The following MAPKAP1 variants were observed in gnomAD, a reference collection of about 807,000 sequenced individuals.
The protein encoded by MAPKAP1 is target of rapamycin complex 2 subunit MAPKAP1.
In MAPKAP1, 20 loss-of-function variants were observed where a neutral mutation model predicts 65.7. That is an observed-to-expected ratio of 0.30 (90% CI 0.21 to 0.44). The LOEUF is 0.44. Among genes scored for constraint, MAPKAP1 ranks in the 20% least tolerant of loss-of-function variants. MAPKAP1 has a pLI of 1.00. For synonymous variants in MAPKAP1, 222 were observed against 244.3 expected (o/e 0.91, Z 0.85); for missense variants, 423 against 648.0 (o/e 0.65, Z 3.77).
intron 4 of MAPKAP1, chr9:125,596,406 G>A: frequency 2.5e-6 from 2 of 813,120 alleles, no homozygotes; most frequent in South Asian, 1.3e-5. Context: ...TAATGGATTT[G>A]GTACTGATGG....
At chr9:125,479,100 C>A (rs1246439219) in intron 9 of MAPKAP1, among the ~76,000 whole-genome samples, 1 of 152,196 alleles carries the variant, frequency 6.6e-6, no homozygotes, top group East Asian at 1.9e-4. Flanking sequence ...AAAATCAGTA[C>A]TATCTAATAA....
At chr9:125,615,915 GAAA>G (rs763540546) in intron 4 of MAPKAP1, among the ~76,000 whole-genome samples, 2 of 105,204 alleles carry the variant, frequency 1.9e-5, no homozygotes, top group Non-Finnish European at 2.0e-5. Flanking sequence ...CTCCGTCTCA[GAAA>G]AAAAAAAAAA....
chr9:125,628,547 T>G (rs1275025745), intron 4 of MAPKAP1, among the ~76,000 whole-genome samples: 1 of 152,128 alleles, frequency 6.6e-6, no homozygotes, highest in Non-Finnish European at 1.5e-5. Context: ...GGTGAATCCT[T>G]ACACCACAGA....
chr9:125,609,881 T>A (rs184132507), intron 4 of MAPKAP1, among the ~76,000 whole-genome samples: 1 of 152,278 alleles, frequency 6.6e-6, no homozygotes, highest in East Asian at 1.9e-4. Context: ...CTGGGCTGAG[T>A]GTGCCACATA....
At chr9:125,442,706 T>A (rs1852541424) in intron 11 of MAPKAP1, among the ~76,000 whole-genome samples, 1 of 152,094 alleles carries the variant, frequency 6.6e-6, no homozygotes, top group South Asian at 2.1e-4. Context: ...CACTCCTTGG[T>A]CCAAGGAGGG....
intron 7 of MAPKAP1, among the ~76,000 whole-genome samples, chr9:125,530,183 C>G (rs1343471384): frequency 6.6e-6 from 1 of 152,082 alleles, no homozygotes; most frequent in Non-Finnish European, 1.5e-5. Context: ...TAAAATCAGT[C>G]TTGGTAGAGA....
chr9:125,706,794 T>C (rs571551172), intron 1 of MAPKAP1, among the ~76,000 whole-genome samples, 177 bp downstream of exon 1: 1 of 151,990 alleles, frequency 6.6e-6, no homozygotes, highest in African/African-American at 2.4e-5. Flanking sequence ...CTCAGACTCC[T>C]GACAGCCTCC....
At position 125,540,655 on chromosome 9, in the gene MAPKAP1, T is replaced by C. The variant is rs541976679; in HGVS notation, c.958+2404A>G. Among the ~76,000 whole-genome samples the C allele has an allele frequency of 3.9e-4, 60 of 152,314 alleles. 1 individual carries two copies. In the South Asian group the frequency reaches 0.012, roughly 31 times the overall value. On this transcript the variant is annotated intron_variant, in intron 7 of 11. Transcript: ENST00000265960. ...AGACATGGGGCATGGTAGGCACATT[T>C]TTGCAAACACTAAGCTGGTCATTGT...
chr9:125,587,343 A>G (rs1439911716), intron 4 of MAPKAP1, among the ~76,000 whole-genome samples: 1 of 152,168 alleles, frequency 6.6e-6, no homozygotes, highest in East Asian at 1.9e-4. Flanking sequence ...AGGCAGGGAG[A>G]TCACTTGAGG....
intron 8 of MAPKAP1, among the ~76,000 whole-genome samples, chr9:125,499,468 A>G (rs1828906192): frequency 6.6e-6 from 1 of 152,188 alleles, no homozygotes; most frequent in Non-Finnish European, 1.5e-5. Context: ...TGATCTTTGT[A>G]AGTGCTGGTA....
chr9:125,482,131 TAA>T (rs1554808939), intron 9 of MAPKAP1, among the ~76,000 whole-genome samples: 2 of 99,102 alleles, frequency 2.0e-5, no homozygotes, highest in Admixed American at 1.0e-4. Context: ...AAACTCTGTC[TAA>T]AAAAAAAAAA....
intron 6 of MAPKAP1, among the ~76,000 whole-genome samples, chr9:125,556,056 T>A (rs568441631): frequency 3.9e-5 from 6 of 152,246 alleles, no homozygotes; most frequent in African/African-American, 7.2e-5. Flanking sequence ...CAAGGGTTGT[T>A]TATTAATAGT....
At chr9:125,651,019 T>G (rs1265704038) in intron 4 of MAPKAP1, among the ~76,000 whole-genome samples, 3 of 152,104 alleles carry the variant, frequency 2.0e-5, no homozygotes, top group Non-Finnish European at 4.4e-5. Flanking sequence ...TAGGCTGGAG[T>G]GCAGTGGTGC....
intron 4 of MAPKAP1, among the ~76,000 whole-genome samples, chr9:125,624,533 C>T (rs1447777223): frequency 1.2e-4 from 9 of 77,588 alleles, no homozygotes; most frequent in African/African-American, 3.2e-4. Context: ...CCCCTCTGCC[C>T]AGCCAGCCGC....
intron 3 of MAPKAP1, among the ~76,000 whole-genome samples, chr9:125,658,893 T>G (rs927517875): frequency 6.6e-6 from 1 of 152,104 alleles, no homozygotes; most frequent in Non-Finnish European, 1.5e-5. Flanking sequence ...CACTTTAGCA[T>G]AGTCAAATTA....
At chr9:125,534,269 C>A (rs910453707) in intron 7 of MAPKAP1, among the ~76,000 whole-genome samples, 2 of 152,158 alleles carry the variant, frequency 1.3e-5, no homozygotes, top group African/African-American at 4.8e-5. Flanking sequence ...GGATTTACAC[C>A]AAAGGAAGTT....
At chr9:125,693,676 T>TATATATACAC in intron 1 of MAPKAP1, among the ~76,000 whole-genome samples, 1 of 127,618 alleles carries the variant, frequency 7.8e-6, no homozygotes, top group Admixed American at 7.9e-5. Flanking sequence ...CATATACACG[T>TATATATACAC]ATATATACAC....
At chr9:125,700,618 A>T (rs1835566867) in intron 1 of MAPKAP1, among the ~76,000 whole-genome samples, 1 of 152,170 alleles carries the variant, frequency 6.6e-6, no homozygotes, top group African/African-American at 2.4e-5. Flanking sequence ...CTTTCAGTCC[A>T]AATTTTGTGT....
chr9:125,674,186 A>C (rs1383979113), intron 1 of MAPKAP1, among the ~76,000 whole-genome samples: 1 of 152,098 alleles, frequency 6.6e-6, no homozygotes, highest in Non-Finnish European at 1.5e-5. Flanking sequence ...TTCATTTATA[A>C]AATGGAAGCT....
Sources: gnomAD v4.1 joint callset for allele counts (sites outside exome capture counted in the v4.1 genomes callset) on GRCh38, gnomAD v4.1.1 for gene constraint, MANE v1.5 for transcripts, NCBI Gene and HGNC (gene_info 2026-07-23, HGNC 2026-07-21) for gene names.